The following ADCY5 variants were observed in gnomAD, a reference collection of about 807,000 sequenced individuals.
The protein encoded by ADCY5 is adenylate cyclase type 5.
A neutral mutation model predicts 119.7 loss-of-function variants in ADCY5; 30 were observed. That is an observed-to-expected ratio of 0.25 (90% CI 0.19 to 0.34). ADCY5 has a LOEUF of 0.34. Ranked by LOEUF, ADCY5 falls within the 10% of genes least tolerant of loss-of-function variation. The pLI is 1.00. For synonymous variants in ADCY5, 753 were observed against 762.2 expected (o/e 0.99, Z 0.20); for missense variants, 1,324 against 1,775.2 (o/e 0.75, Z 4.57).
chr3:123,297,136 A>G (rs563914844), intron 16 of ADCY5: 1 of 1,411,392 alleles, frequency 7.1e-7, no homozygotes, highest in South Asian at 1.2e-5. Flanking sequence ...CACAGAGACT[A>G]CAGATCACCT....
At chr3:123,308,028 C>CTTTTTTTTTTTTCATGCTCT (rs1940297864) in intron 12 of ADCY5, among the ~76,000 whole-genome samples, 17 of 85,664 alleles carry the variant, frequency 2.0e-4, no homozygotes, top group African/African-American at 8.1e-4. Flanking sequence ...TTTTCATGCT[C>CTTTTTTTTTTTTCATGCTCT]TTTTTTTTTT....
At chr3:123,391,244 A>G (rs1235471604) in intron 1 of ADCY5, among the ~76,000 whole-genome samples, 4 of 152,168 alleles carry the variant, frequency 2.6e-5, no homozygotes, top group African/African-American at 7.2e-5. Context: ...AGGGAGCTAC[A>G]TTCTGAGGAT....
At chr3:123,347,730 AG>A (rs1942625669) in intron 3 of ADCY5, 51 bp downstream of exon 3, 11 of 1,608,124 alleles carry the variant, frequency 6.8e-6, no homozygotes, top group Non-Finnish European at 9.4e-6. Context: ...ATGTCTCCAC[AG>A]GGGTCCAGCT....
intron 1 of ADCY5, among the ~76,000 whole-genome samples, chr3:123,382,363 T>C (rs950375198): frequency 6.9e-5 from 8 of 116,270 alleles, no homozygotes; most frequent in African/African-American, 2.6e-4. Context: ...AGTATGGTGG[T>C]TTCTCAAAAA....
intron 1 of ADCY5, among the ~76,000 whole-genome samples, chr3:123,370,455 G>T (rs1042040087): frequency 6.6e-6 from 1 of 152,112 alleles, no homozygotes; most frequent in East Asian, 1.9e-4. Flanking sequence ...TGCCAGTGGG[G>T]TATGAATGGA....
intron 15 of ADCY5, among the ~76,000 whole-genome samples, chr3:123,298,830 C>CTTTTTTTTTTTTTT (rs35856404): frequency 6.8e-5 from 7 of 102,532 alleles, no homozygotes; most frequent in Admixed American, 1.2e-4. Context: ...AAAACTGTCA[C>CTTTTTTTTTTTTTT]TTTTTTTTTT....
chr3:123,284,865 C>A, intron 20 of ADCY5, 129 bp from the exon 21 acceptor site: 1 of 1,275,156 alleles, frequency 7.8e-7, no homozygotes, highest in South Asian at 1.3e-5. Flanking sequence ...GGGCAGCTGC[C>A]CCACTGAGGT....
chr3:123,447,361 T>C (rs893510645), intron 1 of ADCY5, 51 bp downstream of exon 1: 3 of 1,452,074 alleles, frequency 2.1e-6, no homozygotes, highest in African/African-American at 2.8e-5. Flanking sequence ...GGAGTCCAGC[T>C]GAGGCCTGCC....
intron 1 of ADCY5, among the ~76,000 whole-genome samples, chr3:123,414,180 G>A (rs1475847892): frequency 6.6e-6 from 1 of 151,980 alleles, no homozygotes; most frequent in Non-Finnish European, 1.5e-5. Context: ...CCACTCCTCA[G>A]TCCACCCCAG....
At chr3:123,297,009 G>C in intron 16 of ADCY5, 1 of 1,536,102 alleles carries the variant, frequency 6.5e-7, no homozygotes, top group Non-Finnish European at 8.7e-7. Flanking sequence ...AGGGAAAGTA[G>C]GTACCAGCTT....
chr3:123,373,566 T>A (rs1247428534), intron 1 of ADCY5, among the ~76,000 whole-genome samples: 1 of 152,174 alleles, frequency 6.6e-6, no homozygotes, highest in African/African-American at 2.4e-5. Flanking sequence ...GCTGGGGAGT[T>A]AGGACAGAGG....
At chr3:123,413,114 T>C (rs1945097882) in intron 1 of ADCY5, among the ~76,000 whole-genome samples, 1 of 152,194 alleles carries the variant, frequency 6.6e-6, no homozygotes, top group Admixed American at 6.5e-5. Context: ...TGTTCTGTTT[T>C]CCCATTTTCA....
At chr3:123,413,963 C>T (rs61387166) in intron 1 of ADCY5, among the ~76,000 whole-genome samples, 14 of 152,100 alleles carry the variant, frequency 9.2e-5, no homozygotes, top group East Asian at 5.8e-4. Context: ...TCAGATGGGA[C>T]GATGCAGAAA....
chr3:123,369,677 G>T (rs1943566122), intron 1 of ADCY5, among the ~76,000 whole-genome samples: 1 of 152,258 alleles, frequency 6.6e-6, no homozygotes, highest in Non-Finnish European at 1.5e-5. Context: ...AAGGCCTGGT[G>T]AACAGCAAGA....
Position 123,292,810 on chromosome 3 carries a change from A to T in ADCY5, c.3064-1434T>A, listed in dbSNP as rs1258341326. ...TTATTTGCCTCTGAAAATGCACCAG[A>T]CTAGACAGTCCTGCTCCTACCTCTG... On this transcript the variant is annotated intron_variant, in intron 17 of 20. Transcript: ENST00000462833. Among the ~76,000 whole-genome samples, 5 of 152,140 alleles carry T rather than the reference A, an allele frequency of 3.3e-5. No homozygotes were observed. The South Asian group carries it at 1.0e-3, about 31-fold the overall frequency.
chr3:123,395,061 G>A (rs1282189826), intron 1 of ADCY5, among the ~76,000 whole-genome samples: 1 of 152,122 alleles, frequency 6.6e-6, no homozygotes, highest in Non-Finnish European at 1.5e-5. Context: ...CCCCACTTTT[G>A]GTGGGCCTTG....
intron 1 of ADCY5, among the ~76,000 whole-genome samples, chr3:123,390,947 T>C (rs1311195872): frequency 6.8e-6 from 1 of 147,516 alleles, no homozygotes; most frequent in Non-Finnish European, 1.5e-5. Context: ...CCCTCTTCCC[T>C]GGAATAAGGT....
rs775623573 is a variant in ADCY5, at chr3:123,291,106, T to C, written c.3327+7A>G. 62 of 1,609,228 alleles carry C rather than the reference T, an allele frequency of 3.9e-5. No individual in the cohort carries two copies. The South Asian group carries it at 6.4e-4, about 17-fold the overall frequency. Reference sequence around the variant, plus strand: ...GAACACAGCCTGACCCAGGCCCCGCTGTGCACCTCATCAAAGTCAGCGATG... The same window carrying C: ...GAACACAGCCTGACCCAGGCCCCGCCGTGCACCTCATCAAAGTCAGCGATG... On this transcript the variant is annotated splice_region_variant and intron_variant, in intron 18 of 20. Transcript: ENST00000462833.
intron 1 of ADCY5, among the ~76,000 whole-genome samples, chr3:123,446,807 T>C (rs968715999): frequency 6.6e-6 from 1 of 152,196 alleles, no homozygotes. Context: ...CTTCCCACTT[T>C]AGCGAAGGGC....
Sources: gnomAD v4.1 joint callset for allele counts (sites outside exome capture counted in the v4.1 genomes callset) on GRCh38, gnomAD v4.1.1 for gene constraint, MANE v1.5 for transcripts, NCBI Gene and HGNC (gene_info 2026-07-23, HGNC 2026-07-21) for gene names.